DGKB: variants seen among roughly 807,000 people sequenced by gnomAD.
DGKB encodes the protein 90 kDa diacylglycerol kinase.
A neutral mutation model predicts 114.3 loss-of-function variants in DGKB; 67 were observed. The observed-to-expected ratio is 0.59, with a 90% CI of 0.48 to 0.72. The LOEUF is 0.72. DGKB is among the 30% of genes least tolerant of loss of function. The pLI is 0.00. For synonymous variants in DGKB, 398 were observed against 323.1 expected, an observed-to-expected ratio of 1.23 and a Z score of -2.49; for missense variants, 907 against 975.2, an observed-to-expected ratio of 0.93 and a Z score of 0.93.
chr7:14,649,591 C>A (rs1207034186), intron 13 of DGKB, among the ~76,000 whole-genome samples: 1 of 151,908 alleles, frequency 6.6e-6, no homozygotes, highest in African/African-American at 2.4e-5. Context: ...CATCAACTAA[C>A]GAGCAAAATC....
At position 14,274,971 on chromosome 7, in the gene DGKB, GTGTT is replaced by G. The variant is rs1332965097; in HGVS notation, c.2122+63540_2122+63543del. On this transcript the variant is annotated intron_variant, in intron 23 of 25. Coordinates refer to ENST00000402815, the MANE Select transcript of DGKB (RefSeq NM_001350709.2). The stretch of plus-strand genomic sequence containing the variant: ...TGTGTGTGTGTGTGTGTGTGTGTGT[GTGTT>G]TGTGTGTGCGTGTTATAAATGTGAT... 6.0e-3 allele frequency among the ~76,000 whole-genome samples: 850 copies of G among 141,434 alleles called. 1 individual carries two copies. The highest frequency in any genetic ancestry group is 0.022 in the Middle Eastern group (6 of 278). The allele number at this position is 141,434 out of a possible 152,430, so 92.8% of individuals were successfully genotyped here.
chr7:14,262,221 G>A (rs761619209), intron 23 of DGKB, among the ~76,000 whole-genome samples: 13 of 152,138 alleles, frequency 8.5e-5, no homozygotes, highest in Admixed American at 1.3e-4. Flanking sequence ...TTGAGCCCAC[G>A]TAGAATTTAC....
chr7:14,940,297 A>G (rs1785501393), intron 1 of DGKB, among the ~76,000 whole-genome samples: 1 of 151,802 alleles, frequency 6.6e-6, no homozygotes, highest in East Asian at 1.9e-4. Context: ...ATGTACTTTC[A>G]GGTAAGACCT....
Position 14,371,119 on chromosome 7 carries a change from A to G in DGKB, c.1836-25728T>C, listed in dbSNP as rs114504974. On this transcript the variant is annotated intron_variant, in intron 21 of 25. Transcript: ENST00000402815. ...TGTCTTGGCTAGTGTGAATAGTGCT[A>G]CAACGAACATATGAGTGCAGGTGTC... 4.1e-3 allele frequency among the ~76,000 whole-genome samples: 628 copies of G among 152,290 alleles called. 3 individuals are homozygous for G. The highest frequency in any genetic ancestry group is 0.013 in the African/African-American group (557 of 41,556).
chr7:14,680,069 T>C (rs377302249), intron 12 of DGKB, among the ~76,000 whole-genome samples: 4 of 151,922 alleles, frequency 2.6e-5, no homozygotes, highest in Admixed American at 6.6e-5. Flanking sequence ...TCATTGTTTA[T>C]AGAAAATAAG....
At chr7:14,268,792 A>G (rs991478654) in intron 23 of DGKB, 5 of 152,224 alleles carry the variant, frequency 3.3e-5, no homozygotes, top group African/African-American at 1.2e-4. Flanking sequence ...TCTGATTAAG[A>G]GTTATTAAAA....
At chr7:14,687,570 A>G (rs1393602597) in intron 9 of DGKB, among the ~76,000 whole-genome samples, 2 of 152,222 alleles carry the variant, frequency 1.3e-5, no homozygotes, top group African/African-American at 4.8e-5. Flanking sequence ...TAAAATTTAT[A>G]TCCCCTCAAA....
chr7:14,627,352 A>G (rs908242685), intron 14 of DGKB, among the ~76,000 whole-genome samples: 1 of 152,140 alleles, frequency 6.6e-6, no homozygotes, highest in African/African-American at 2.4e-5. Context: ...TTGAAGGTAC[A>G]CTTGGTGACT....
intron 13 of DGKB, among the ~76,000 whole-genome samples, chr7:14,636,007 G>A (rs1178613300): frequency 3.3e-5 from 5 of 151,552 alleles, no homozygotes; most frequent in Non-Finnish European, 7.4e-5. Flanking sequence ...CACCATCCTT[G>A]AAAAAGATCT....
intron 1 of DGKB, among the ~76,000 whole-genome samples, chr7:14,918,765 A>T (rs1234405435): frequency 6.6e-6 from 1 of 152,018 alleles, no homozygotes; most frequent in Admixed American, 6.6e-5. Flanking sequence ...TAACAAAATG[A>T]TTCTTAAGTT....
At chr7:14,356,592 C>T (rs932861042) in intron 21 of DGKB, among the ~76,000 whole-genome samples, 7 of 151,988 alleles carry the variant, frequency 4.6e-5, no homozygotes, top group East Asian at 2.0e-4. Flanking sequence ...AATCTCCTGA[C>T]CTCGTGATCA....
At chr7:14,777,340 G>A (rs1002674296) in intron 2 of DGKB, among the ~76,000 whole-genome samples, 1 of 152,064 alleles carries the variant, frequency 6.6e-6, no homozygotes, top group Non-Finnish European at 1.5e-5. Flanking sequence ...GAAATGTGAG[G>A]ATATGAGATT....
intron 23 of DGKB, among the ~76,000 whole-genome samples, chr7:14,238,876 C>T (rs1164652398): frequency 1.4e-5 from 2 of 145,608 alleles, no homozygotes; most frequent in Non-Finnish European, 3.0e-5. Context: ...TGGGGTCTTA[C>T]ATTTTTAAAA....
chr7:14,866,898 G>A (rs1276817459), intron 1 of DGKB, among the ~76,000 whole-genome samples: 1 of 152,136 alleles, frequency 6.6e-6, no homozygotes, highest in East Asian at 1.9e-4. Flanking sequence ...GTTTGATGTT[G>A]TCAGTGTTCC....
chr7:14,895,102 G>T (rs1781899056), intron 1 of DGKB, among the ~76,000 whole-genome samples: 2 of 151,530 alleles, frequency 1.3e-5, no homozygotes, highest in Admixed American at 6.6e-5. Context: ...AAAATGACAG[G>T]CAAGAGAAGT....
rs549121397 is a variant in DGKB at position 14,806,239 on chromosome 7, C to T, written c.70+34955G>A. Among the ~76,000 whole-genome samples the T allele has an allele frequency of 5.7e-4, 87 of 152,004 alleles. 1 individual carries two copies. The South Asian group carries it at 5.8e-3, about 10-fold the overall frequency. On this transcript the variant is annotated intron_variant, in intron 2 of 25. Transcript: ENST00000402815. Reference sequence around the variant, plus strand: ...GCTATGTTGTGATGTTTATAAAGATCAAAATATATTCTTCATCCAATTGAT... The same window carrying T: ...GCTATGTTGTGATGTTTATAAAGATTAAAATATATTCTTCATCCAATTGAT...
intron 23 of DGKB, chr7:14,191,958 A>C: frequency 1.5e-6 from 1 of 661,954 alleles, no homozygotes; most frequent in East Asian, 5.3e-5. Flanking sequence ...AAGTCTGGTG[A>C]TGCTACCATT....
At chr7:14,395,755 A>G (rs1159031404) in intron 21 of DGKB, among the ~76,000 whole-genome samples, 1 of 151,988 alleles carries the variant, frequency 6.6e-6, no homozygotes, top group East Asian at 1.9e-4. Flanking sequence ...TTTATCTGAA[A>G]GAAATTAAGA....
intron 17 of DGKB, among the ~76,000 whole-genome samples, chr7:14,592,305 C>G (rs1188397883): frequency 1.3e-5 from 2 of 151,650 alleles, no homozygotes; most frequent in Non-Finnish European, 2.9e-5. Context: ...TTCTCTTTTT[C>G]CTCGTTCTTG....
Sources: allele counts gnomAD v4.1 joint callset (sites outside exome capture counted in the v4.1 genomes callset), GRCh38; gene constraint gnomAD v4.1.1; transcripts MANE v1.5; gene names NCBI Gene and HGNC (gene_info 2026-07-23, HGNC 2026-07-21).